The following SCAF4 variants were observed in gnomAD, a reference collection of about 807,000 sequenced individuals.
The protein encoded by SCAF4 is SR-related and CTD-associated factor 4.
Under a neutral mutation model 129.8 loss-of-function variants are expected in SCAF4, and 25 were observed. That is an observed-to-expected ratio of 0.19 (90% confidence interval 0.14 to 0.27). The LOEUF is 0.27. SCAF4 is among the 10% of genes least tolerant of loss of function. SCAF4 has a pLI of 1.00. For missense variants in SCAF4, 1,246 were observed against 1,457.1 expected (o/e 0.86, Z 2.36); for synonymous variants, 551 against 497.7 (o/e 1.11, Z -1.43).
rs1424501855 is a variant in SCAF4 at position 31,685,050 on chromosome 21, A to C, written c.2487T>G (p.Leu829=). 6.3e-7 allele frequency: 1 copy of C among 1,595,612 alleles called. No homozygotes were observed. Among genetic ancestry groups the C allele is most frequent in the African/African-American group, 1.3e-5 (1 of 74,398 alleles). ...TPPVTQPVSL[L]GTQGVAPGPV... Reference sequence around the variant, plus strand: ...TAATGATAAAAAAAAATAACTTACCAAGAAGTGAAACAGGCTGGGTTACAG... The same window carrying C: ...TAATGATAAAAAAAAATAACTTACCCAGAAGTGAAACAGGCTGGGTTACAG... The change falls in exon 19 of 20, where the codon CTT becomes CTG. Residue 829 remains leucine (L), a splice_region_variant and synonymous_variant. Coordinates refer to ENST00000286835, the MANE Select transcript of SCAF4 (RefSeq NM_020706.2).
Position 31,731,674 on chromosome 21 carries a change from A to G in SCAF4, c.19T>C (p.Phe7Leu). The G allele has an allele frequency of 6.3e-7, 1 of 1,585,734 alleles. No individual in the cohort carries two copies. The highest frequency in any genetic ancestry group is 2.4e-5 in the East Asian group (1 of 41,654). The change falls in exon 1 of 20, where the codon TTC becomes CTC. Residue 7 changes from phenylalanine to leucine, a missense_variant. Physicochemically the swap from Phe to Leu is conservative, Grantham distance 22. Coordinates refer to ENST00000286835, the MANE Select transcript of SCAF4 (RefSeq NM_020706.2). ...CAAACACCCCTTACCTCCTGGTTGA[A>G]GGCGTTGACGGCGTCCATGTTCGCG... The part of the protein sequence containing the change: MDAVNA[F>L]NQELFSLMDM...
chr21:31,693,787 C>T (rs1568838663), intron 11 of SCAF4, among the ~76,000 whole-genome samples: 1 of 152,140 alleles, frequency 6.6e-6, no homozygotes, highest in Non-Finnish European at 1.5e-5. Flanking sequence ...TTGAGATACA[C>T]TGCTACTACT....
At chr21:31,688,253 T>G in intron 16 of SCAF4, 54 bp downstream of exon 16, 1 of 1,572,818 alleles carries the variant, frequency 6.4e-7, no homozygotes, top group Non-Finnish European at 8.7e-7. Context: ...CAGTAAGATT[T>G]AGAAAGGGAC....
chr21:31,675,877 G>A (rs1244138376), intron 19 of SCAF4, among the ~76,000 whole-genome samples: 1 of 152,146 alleles, frequency 6.6e-6, no homozygotes, highest in Non-Finnish European at 1.5e-5. Flanking sequence ...GTACATTAAA[G>A]GGCTACGGGG....
intron 19 of SCAF4, among the ~76,000 whole-genome samples, chr21:31,672,769 A>T (rs2049743481): frequency 6.6e-6 from 1 of 152,236 alleles, no homozygotes; most frequent in Non-Finnish European, 1.5e-5. Context: ...GTGCACACTT[A>T]GAAAATTTAC....
rs1002787408 is a variant in SCAF4 at position 31,694,416 on chromosome 21, C to T, written c.1237-127G>A. 6 of 558,970 alleles carry T rather than the reference C, an allele frequency of 1.1e-5. No homozygotes were observed. In the East Asian group the frequency reaches 1.8e-4, roughly 17 times the overall value. 34.6% of individuals were successfully genotyped at this position (558,970 alleles called of 1,614,324 possible). A position where few individuals can be genotyped will look rare whatever the true frequency, so the allele number is the denominator to read the frequency against. On this transcript the variant is annotated intron_variant, in intron 10 of 19. Coordinates refer to ENST00000286835, the MANE Select transcript of SCAF4 (RefSeq NM_020706.2). ...CAATTCTCTTTTGGTTGCCTGGGAC[C>T]AAATTACTAGTAACAACTGGCCATC...
At chr21:31,681,979 T>C (rs996118080) in intron 19 of SCAF4, among the ~76,000 whole-genome samples, 1 of 152,162 alleles carries the variant, frequency 6.6e-6, no homozygotes, top group African/African-American at 2.4e-5. Flanking sequence ...TCTCGCTCAC[T>C]GGAAAAACTA....
chr21:31,691,965 C>T, intron 13 of SCAF4, 35 bp from the exon 14 acceptor site: 1 of 1,186,238 alleles, frequency 8.4e-7, no homozygotes, highest in Non-Finnish European at 1.2e-6. Context: ...TAAAAGATAA[C>T]AAAATTGAAA....
chr21:31,731,707 G>A lies in SCAF4; in HGVS notation c.-15C>T, dbSNP rs780162742. On this transcript the variant is annotated 5_prime_UTR_variant, in exon 1 of 20. Coordinates refer to ENST00000286835, the MANE Select transcript of SCAF4 (RefSeq NM_020706.2). ...ACGGCGTCCATGTTCGCGCTGCGGC[G>A]GCGGCTGCTCCGGGCCCGCCGGTCA... 1.3e-6 allele frequency: 2 copies of A among 1,579,370 alleles called. No individual in the cohort carries two copies. Among genetic ancestry groups the A allele is most frequent in the Non-Finnish European group, 1.7e-6 (2 of 1,169,142 alleles).
chr21:31,685,364 G>C, intron 18 of SCAF4, 34 bp downstream of exon 18: 1 of 1,575,702 alleles, frequency 6.3e-7, no homozygotes, highest in Non-Finnish European at 8.7e-7. Context: ...AGCTCCAAGA[G>C]GATAAGCAAA....
chr21:31,677,408 G>GT (rs1417652098), intron 19 of SCAF4, among the ~76,000 whole-genome samples: 1 of 152,090 alleles, frequency 6.6e-6, no homozygotes, highest in African/African-American at 2.4e-5. Context: ...CTCCTTTCAG[G>GT]TATCACCCCA....
At chr21:31,706,828 C>A in intron 1 of SCAF4, 1 of 237,284 alleles carries the variant, frequency 4.2e-6, no homozygotes, top group South Asian at 5.4e-5. Context: ...CAATGAGAGT[C>A]CAGCCTCTGA....
chr21:31,687,701 CA>C (rs151038455), intron 16 of SCAF4, among the ~76,000 whole-genome samples: 26,726 of 151,994 alleles, frequency 0.18, 2,534 homozygotes, highest in Non-Finnish European at 0.19. Context: ...CTTCAGGACA[CA>C]AAGTCCCTGA....
At chr21:31,714,936 T>C (rs1240587837) in intron 1 of SCAF4, among the ~76,000 whole-genome samples, 1 of 152,262 alleles carries the variant, frequency 6.6e-6, no homozygotes, top group African/African-American at 2.4e-5. Context: ...GGTTTCCAGA[T>C]GATCCTGGTT....
Position 31,671,643 on chromosome 21 carries a change from T to A in SCAF4, c.3200A>T (p.Glu1067Val), listed in dbSNP as rs1287796012. The change falls in exon 20 of 20, where the codon GAG becomes GTG. Residue 1067 changes from glutamate to valine, a missense_variant. By Grantham distance (121) the Glu-to-Val change is moderately radical. Transcript: ENST00000286835. Reference protein sequence around the residue: ...RDRERDSRDRESRREKEEARG... With the variant: ...RDRERDSRDRVSRREKEEARG... ...GGCTTCTTCCTTCTCTCTACGAGAC[T>A]CTCTATCTCTAGAATCTCTCTCTCT... The A allele has an allele frequency of 3.7e-6, 6 of 1,613,944 alleles. No homozygotes were observed. The highest frequency in any genetic ancestry group is 2.2e-5 in the South Asian group (2 of 91,068).
intron 9 of SCAF4, among the ~76,000 whole-genome samples, chr21:31,695,484 C>T (rs1185234871): frequency 6.6e-6 from 1 of 152,138 alleles, no homozygotes; most frequent in Non-Finnish European, 1.5e-5. Flanking sequence ...TACAATCTAA[C>T]ATATTTCTGC....
At chr21:31,717,888 CATATAT>C (rs1175779790) in intron 1 of SCAF4, among the ~76,000 whole-genome samples, 324 of 114,420 alleles carry the variant, frequency 2.8e-3, no homozygotes, top group African/African-American at 0.01. Context: ...CATATATACA[CATATAT>C]ACACATATAT....
intron 1 of SCAF4, among the ~76,000 whole-genome samples, chr21:31,712,137 T>C (rs1197703009): frequency 6.6e-6 from 1 of 152,070 alleles, no homozygotes; most frequent in East Asian, 1.9e-4. Context: ...TTCTGAATAT[T>C]GACTCATCCA....
At position 31,693,309 on chromosome 21, in the gene SCAF4, G is replaced by A; in HGVS notation, c.1498C>T (p.Pro500Ser). The A allele has an allele frequency of 1.3e-6, 2 of 1,483,054 alleles. No individual in the cohort carries two copies. Among genetic ancestry groups the A allele is most frequent in the Non-Finnish European group, 1.8e-6 (2 of 1,099,066 alleles). The allele number at this position is 1,483,054 out of a possible 1,614,324, so 91.9% of individuals were successfully genotyped here. A position where few individuals can be genotyped will look rare whatever the true frequency, so the allele number is the denominator to read the frequency against. The change falls in exon 12 of 20, where the codon CCG (proline) becomes TCG (serine). Residue 500 changes from proline (P) to serine (S), a missense_variant. Pro to Ser is a moderately conservative substitution (Grantham distance 74). Coordinates refer to ENST00000286835, the MANE Select transcript of SCAF4 (RefSeq NM_020706.2). ...GTTGAGTTACCACTTGCAGTTTCCGGTTTCACTTGAGGGAGGCCTTTTTGT... is the reference window on the plus strand; with the variant it reads ...GTTGAGTTACCACTTGCAGTTTCCGATTTCACTTGAGGGAGGCCTTTTTGT... Reference protein sequence around the residue: ...RRQKGLPQVKPETASVCSTTL... With the variant: ...RRQKGLPQVKSETASVCSTTL...
Sources: gnomAD v4.1 joint callset for allele counts (sites outside exome capture counted in the v4.1 genomes callset) on GRCh38, gnomAD v4.1.1 for gene constraint, MANE v1.5 for transcripts, NCBI Gene and HGNC (gene_info 2026-07-23, HGNC 2026-07-21) for gene names.